Variants in TK2 observed in about 807,000 individuals in gnomAD.
The protein encoded by TK2 is thymidine kinase 2, mitochondrial.
In TK2, 35 loss-of-function variants were observed where a neutral mutation model predicts 41.9. The ratio of observed to expected loss-of-function variants is 0.84; its 90% CI spans 0.64 to 1.11. TK2 has a LOEUF of 1.11. Among genes scored for constraint, TK2 ranks in the 50% least tolerant of loss-of-function variants. The probability of loss-of-function intolerance (pLI) is 0.00; values close to 1 mark genes in which losing one functional copy is unlikely to be tolerated. For missense variants in TK2, 320 were observed against 351.1 expected (o/e 0.91, Z 0.71); for synonymous variants, 128 against 129.1 (o/e 0.99, Z 0.06).
intron 4 of TK2, among the ~76,000 whole-genome samples, chr16:66,532,220 A>G (rs1016491953): frequency 7.2e-5 from 11 of 152,154 alleles, no homozygotes; most frequent in African/African-American, 2.7e-4. Context: ...ACAAATCAAC[A>G]TATAAAAATC....
chr16:66,517,020 C>G lies in TK2; in HGVS notation c.618+116G>C, dbSNP rs1280147215. On this transcript the variant is annotated intron_variant, in intron 8 of 9. Transcript: ENST00000544898. This position sits in a 1 kb window ranked among gnomAD's most constrained non-coding sequence, Gnocchi z 4.3. ...CCCTCTGATACACTTGGTTCCTGTT[C>G]TCTCTCTGCAAACAAGGGCACAATG... The G allele has an allele frequency of 1.1e-6, 1 of 932,110 alleles. No homozygotes were observed. The highest frequency in any genetic ancestry group is 2.4e-5 in the East Asian group (1 of 41,488). The allele number at this position is 932,110 out of a possible 1,614,324, so 57.7% of individuals were successfully genotyped here. A position where few individuals can be genotyped will look rare whatever the true frequency, so the allele number is the denominator to read the frequency against.
intron 9 of TK2, among the ~76,000 whole-genome samples, chr16:66,512,455 G>A (rs992331078): frequency 2.0e-5 from 3 of 151,832 alleles, no homozygotes; most frequent in African/African-American, 7.3e-5. Flanking sequence ...TTTCCATAAT[G>A]AGGGAGAAAA....
In TK2 at chr16:66,541,966, G is replaced by GCC; in HGVS notation, c.157-14_157-13insGG. The GCC allele has an allele frequency of 6.2e-7, 1 of 1,613,838 alleles. No homozygotes were observed. The highest frequency in any genetic ancestry group is 8.5e-7 in the Non-Finnish European group (1 of 1,179,828). ...CCTCGACACAGATCTGGCAAAAGAC[G>GCC]AATGCATATTAGAGCCAGAACTCAA... On this transcript the variant is annotated splice_polypyrimidine_tract_variant and intron_variant, in intron 2 of 9. Coordinates refer to ENST00000544898, the MANE Select transcript of TK2 (RefSeq NM_004614.5).
In TK2 at chr16:66,548,961, A is replaced by G. The variant is rs1361800414; in HGVS notation, c.156+17T>C. 1 of 1,610,804 alleles carries G rather than the reference A, an allele frequency of 6.2e-7. No individual in the cohort carries two copies. The highest frequency in any genetic ancestry group is 1.3e-5 in the African/African-American group (1 of 74,788). ...AACCAAATTATCCTAGAGAGTACAC[A>G]TAAAAGAGGGACTTACCACTGATTT... is the stretch of plus-strand genomic sequence containing the variant. On this transcript the variant is annotated intron_variant, in intron 2 of 9. Coordinates refer to ENST00000544898, the MANE Select transcript of TK2 (RefSeq NM_004614.5).
At position 66,517,046 on chromosome 16, in the gene TK2, ATC is replaced by A. The variant is rs1964635920; in HGVS notation, c.618+88_618+89del. 2 of 1,089,332 alleles carry A rather than the reference ATC, an allele frequency of 1.8e-6. No individual in the cohort carries two copies. Among genetic ancestry groups the A allele is most frequent in the Non-Finnish European group, 2.8e-6 (2 of 702,272 alleles). The allele number at this position is 1,089,332 out of a possible 1,614,324, so 67.5% of individuals were successfully genotyped here. The stretch of plus-strand genomic sequence containing the variant: ...TCTCTCTGCAAACAAGGGCACAATG[ATC>A]TCATGGGGGTGGGGCCGGGAGAGGA... On this transcript the variant is annotated intron_variant, in intron 8 of 9. Coordinates refer to ENST00000544898, the MANE Select transcript of TK2 (RefSeq NM_004614.5). The surrounding 1 kb of genome is among the most constrained non-coding windows in gnomAD (Gnocchi z 4.3).
At chr16:66,545,391 G>T (rs1204744798) in intron 2 of TK2, among the ~76,000 whole-genome samples, 1 of 152,198 alleles carries the variant, frequency 6.6e-6, no homozygotes, top group Non-Finnish European at 1.5e-5. Context: ...GAAATCTGCA[G>T]TCAAAAGAAA....
intron 2 of TK2, among the ~76,000 whole-genome samples, chr16:66,547,147 G>A (rs946710243): frequency 3.9e-5 from 6 of 152,140 alleles, no homozygotes; most frequent in African/African-American, 1.4e-4. Flanking sequence ...TGTAATGGCT[G>A]CACCATCCAC....
At chr16:66,526,464 G>A (rs927622979) in intron 6 of TK2, among the ~76,000 whole-genome samples, 6 of 152,118 alleles carry the variant, frequency 3.9e-5, no homozygotes, top group African/African-American at 1.2e-4. Context: ...CCACGAGGCC[G>A]AGCAGAGCTG....
At chr16:66,535,564 T>C (rs1965251581) in intron 4 of TK2, among the ~76,000 whole-genome samples, 1 of 152,228 alleles carries the variant, frequency 6.6e-6, no homozygotes, top group Admixed American at 6.5e-5. Flanking sequence ...GGTTTTGCCT[T>C]ATTTAAGAAA....
At chr16:66,545,443 T>A (rs1965577928) in intron 2 of TK2, among the ~76,000 whole-genome samples, 1 of 152,160 alleles carries the variant, frequency 6.6e-6, no homozygotes, top group Admixed American at 6.5e-5. Context: ...ATAAACAAAG[T>A]GCACTACAGC....
At chr16:66,549,675 G>A (rs998058392) in intron 1 of TK2, 23 of 1,226,604 alleles carry the variant, frequency 1.9e-5, no homozygotes, top group Non-Finnish European at 2.3e-5. Context: ...ACCGAGTTTG[G>A]GCCGGAATGT....
chr16:66,528,523 T>C (rs1965005062), intron 6 of TK2, among the ~76,000 whole-genome samples: 1 of 152,252 alleles, frequency 6.6e-6, no homozygotes, highest in Admixed American at 6.5e-5. Context: ...TGGGCTCATG[T>C]GACCATGTGA....
intron 3 of TK2, 53 bp from the exon 4 acceptor site, chr16:66,537,070 A>G: frequency 6.2e-7 from 1 of 1,606,004 alleles, no homozygotes; most frequent in African/African-American, 1.3e-5. Context: ...GAACCCTGTA[A>G]AAGTGTGTAA....
At chr16:66,526,412 ACC>A (rs1455835901) in intron 6 of TK2, among the ~76,000 whole-genome samples, 2 of 151,916 alleles carry the variant, frequency 1.3e-5, no homozygotes, top group Non-Finnish European at 2.9e-5. Context: ...TCTCCCCTTA[ACC>A]TCTGGTCATT....
Position 66,550,040 on chromosome 16 carries a change from C to T in TK2, c.22G>A (p.Gly8Ser). ...CAGCGCAGCGCCCGGGCGGCCCAGC[C>T]CCGCAGCGGCCACAGCAGCATAGCC... is the stretch of plus-strand genomic sequence containing the variant. MLLWPLR[G>S]WAARALRCFG... The change falls in exon 1 of 10, where the codon GGC (glycine) becomes AGC (serine). Residue 8 changes from glycine (G) to serine (S), a missense_variant. Physicochemically the swap from Gly to Ser is moderately conservative, Grantham distance 56 (BLOSUM62 0). Transcript: ENST00000544898. 2 of 1,562,432 alleles carry T rather than the reference C, an allele frequency of 1.3e-6. No homozygotes were observed. Among genetic ancestry groups the T allele is most frequent in the South Asian group, 1.2e-5 (1 of 85,232 alleles).
intron 2 of TK2, among the ~76,000 whole-genome samples, chr16:66,547,755 C>T (rs1027891415): frequency 6.6e-6 from 1 of 152,124 alleles, no homozygotes; most frequent in African/African-American, 2.4e-5. Flanking sequence ...GCCAGGTGCC[C>T]AGGTCCTAGC....
chr16:66,536,341 G>A (rs1261158990), intron 4 of TK2, among the ~76,000 whole-genome samples: 2 of 152,144 alleles, frequency 1.3e-5, no homozygotes, highest in Non-Finnish European at 2.9e-5. Context: ...TGGGATGGGA[G>A]CTCAGAACCA....
At chr16:66,536,780 C>T (rs534902326) in intron 4 of TK2, among the ~76,000 whole-genome samples, 184 bp downstream of exon 4, 6 of 152,084 alleles carry the variant, frequency 3.9e-5, no homozygotes, top group African/African-American at 1.4e-4. Context: ...GCCACTCAGG[C>T]CTCAGAGATC....
chr16:66,523,321 G>A (rs1964835454), intron 6 of TK2, among the ~76,000 whole-genome samples: 1 of 152,190 alleles, frequency 6.6e-6, no homozygotes, highest in Non-Finnish European at 1.5e-5. Context: ...AGCATCCCAG[G>A]AAATGAGGAA....
Sources: gnomAD v4.1 joint callset for allele counts (sites outside exome capture counted in the v4.1 genomes callset) on GRCh38, gnomAD v4.1.1 for gene constraint, Gnocchi (gnomAD v3.1) non-coding constraint, MANE v1.5 for transcripts, NCBI Gene and HGNC (gene_info 2026-07-23, HGNC 2026-07-21) for gene names.